Variants in EPS15L1 observed in about 807,000 individuals in gnomAD.
The protein encoded by EPS15L1 is epidermal growth factor receptor substrate 15-like 1.
Under a neutral mutation model 117.1 loss-of-function variants are expected in EPS15L1, and 43 were observed. The observed-to-expected ratio is 0.37, with a 90% CI of 0.29 to 0.47. EPS15L1 has a LOEUF of 0.47. Ranked by LOEUF, EPS15L1 falls within the 20% of genes least tolerant of loss-of-function variation. The pLI, the probability that EPS15L1 is intolerant of heterozygous loss-of-function variation, is 0.99. For missense variants in EPS15L1, 981 were observed against 1,164.0 expected, an observed-to-expected ratio of 0.84 and a Z score of 2.29; for synonymous variants, 459 against 470.5, an observed-to-expected ratio of 0.98 and a Z score of 0.32.
At chr19:16,403,662 G>T in intron 15 of EPS15L1, 71 bp downstream of exon 15, 1 of 1,388,602 alleles carries the variant, frequency 7.2e-7, no homozygotes. Context: ...AAGGAGTTCA[G>T]CAGTGGCAGC....
intron 19 of EPS15L1, among the ~76,000 whole-genome samples, chr19:16,389,014 C>T (rs529721314): frequency 7.7e-4 from 117 of 152,048 alleles, no homozygotes; most frequent in African/African-American, 2.5e-3. Context: ...TTTGGGAGGA[C>T]GAGGCGGGCA....
At chr19:16,441,801 A>G (rs1306471050) in intron 3 of EPS15L1, 91 bp downstream of exon 3, 12 of 989,332 alleles carry the variant, frequency 1.2e-5, no homozygotes, top group Admixed American at 2.4e-5. Context: ...GCCGGGCCCC[A>G]TGGAAGGAGG....
intron 1 of EPS15L1, among the ~76,000 whole-genome samples, chr19:16,445,083 C>T (rs983369224): frequency 1.3e-5 from 2 of 151,838 alleles, no homozygotes; most frequent in Non-Finnish European, 2.9e-5. Context: ...TACTGTGATT[C>T]CAGTGGAAAA....
intron 21 of EPS15L1, 76 bp downstream of exon 21, chr19:16,385,053 C>T (rs554412133): frequency 6.1e-4 from 699 of 1,142,578 alleles, no homozygotes; most frequent in Non-Finnish European, 8.0e-4. Context: ...TGAACAATTA[C>T]GCCTGGCAGC....
intron 1 of EPS15L1, among the ~76,000 whole-genome samples, chr19:16,462,991 A>C (rs1160380232): frequency 6.6e-6 from 1 of 152,064 alleles, no homozygotes; most frequent in African/African-American, 2.4e-5. Context: ...ACTATGTCCT[A>C]ATTTTCTGTG....
intron 12 of EPS15L1, among the ~76,000 whole-genome samples, chr19:16,414,386 A>T (rs918965495): frequency 6.6e-5 from 10 of 151,346 alleles, no homozygotes; most frequent in Admixed American, 6.6e-4. Context: ...ACAGCCCAGG[A>T]CAGCCTGTCT....
At chr19:16,428,474 A>T (rs1403737890) in intron 8 of EPS15L1, among the ~76,000 whole-genome samples, 1 of 98,486 alleles carries the variant, frequency 1.0e-5, no homozygotes, top group Non-Finnish European at 1.9e-5. Flanking sequence ...GAGAGGAGAG[A>T]GGGAGAGAGG....
At chr19:16,403,237 C>T (rs376405108) in intron 15 of EPS15L1, among the ~76,000 whole-genome samples, 6 of 152,154 alleles carry the variant, frequency 3.9e-5, no homozygotes, top group Admixed American at 2.6e-4. Flanking sequence ...AGCGCCCCCC[C>T]CTGGACTGGG....
chr19:16,373,242 AT>A (rs1009297966), intron 22 of EPS15L1, among the ~76,000 whole-genome samples: 22 of 152,060 alleles, frequency 1.4e-4, no homozygotes, highest in African/African-American at 5.3e-4. Flanking sequence ...AGGGGGTCGC[AT>A]TTCACCTTCC....
rs1010537819 is a variant in EPS15L1, at chr19:16,471,373, T to C, written c.33+540A>G. Among the ~76,000 whole-genome samples the C allele has an allele frequency of 6.6e-6, 1 of 152,200 alleles. No individual in the cohort carries two copies. Among genetic ancestry groups the C allele is most frequent in the East Asian group, 1.9e-4 (1 of 5,196 alleles). On this transcript the variant is annotated intron_variant, in intron 1 of 23. Transcript: ENST00000455140. The surrounding 1 kb of genome is among the most constrained non-coding windows in gnomAD (Gnocchi z 4.8). ...CCCTTCATAAGCGCATCAGGCGAAT[T>C]TGAGGACACAGAGAGGCGCCCGGAG...
At chr19:16,420,803 G>A (rs1256664472) in intron 10 of EPS15L1, among the ~76,000 whole-genome samples, 1 of 152,204 alleles carries the variant, frequency 6.6e-6, no homozygotes, top group African/African-American at 2.4e-5. Flanking sequence ...GGGGAAAGAG[G>A]GGTTGAGGCC....
intron 18 of EPS15L1, among the ~76,000 whole-genome samples, chr19:16,393,120 AT>A (rs1340666016): frequency 9.7e-5 from 11 of 113,654 alleles, no homozygotes; most frequent in African/African-American, 3.0e-4. Flanking sequence ...AATAATAATA[AT>A]AATAAACAAC....
chr19:16,434,207 G>C (rs1404702015), intron 7 of EPS15L1, among the ~76,000 whole-genome samples, 158 bp downstream of exon 7: 1 of 152,212 alleles, frequency 6.6e-6, no homozygotes, highest in Non-Finnish European at 1.5e-5. Context: ...CCCTGAGCCA[G>C]CTGGGGCTGG....
At chr19:16,372,754 C>A (rs1057312758) in intron 22 of EPS15L1, among the ~76,000 whole-genome samples, 3 of 152,270 alleles carry the variant, frequency 2.0e-5, no homozygotes, top group African/African-American at 7.2e-5. Context: ...CACCCACACA[C>A]CCACCTGCTA....
chr19:16,398,794 G>T (rs1007884316), intron 16 of EPS15L1, among the ~76,000 whole-genome samples: 10 of 152,032 alleles, frequency 6.6e-5, no homozygotes, highest in Admixed American at 3.3e-4. Flanking sequence ...CTCTCCTTAG[G>T]CGACTGGTGG....
chr19:16,459,412 C>T lies in EPS15L1; in HGVS notation c.33+12501G>A, dbSNP rs144990448. On this transcript the variant is annotated intron_variant, in intron 1 of 23. Transcript: ENST00000455140. ...TAATGCCTGGAGGGTGGAGGGATCA[C>T]GCTGTGCCCTCCTAGAAGCAGGCCT... 5.3e-3 allele frequency among the ~76,000 whole-genome samples: 802 copies of T among 152,256 alleles called. 9 individuals carry two copies. Among genetic ancestry groups the T allele is most frequent in the African/African-American group, 0.019 (770 of 41,534 alleles).
rs1477680075 is a variant in EPS15L1, at chr19:16,427,970, A to G, written c.558+732T>C. Among the ~76,000 whole-genome samples, 34 of 145,278 alleles carry G rather than the reference A, an allele frequency of 2.3e-4. No individual in the cohort carries two copies. The Middle Eastern group carries it at 0.012, about 53-fold the overall frequency. ...TGTAATCCCAGCACTTTGGGAGGCC[A>G]AGGCGGGTGGATCACTAGGCAGGAG... is the stretch of plus-strand genomic sequence containing the variant. On this transcript the variant is annotated intron_variant, in intron 8 of 23. Coordinates refer to ENST00000455140, the MANE Select transcript of EPS15L1 (RefSeq NM_001258374.3).
intron 22 of EPS15L1, among the ~76,000 whole-genome samples, chr19:16,375,897 A>G (rs2092288969): frequency 6.6e-6 from 1 of 152,108 alleles, no homozygotes; most frequent in Non-Finnish European, 1.5e-5. Flanking sequence ...AACTTCCCCT[A>G]TGTTCACCTC....
intron 1 of EPS15L1, among the ~76,000 whole-genome samples, chr19:16,453,161 G>A (rs577045797): frequency 3.2e-4 from 48 of 152,152 alleles, no homozygotes; most frequent in African/African-American, 1.1e-3. Flanking sequence ...GTACAGTGGT[G>A]CCATCATAGC....
Sources: allele counts gnomAD v4.1 joint callset (sites outside exome capture counted in the v4.1 genomes callset), GRCh38; gene constraint gnomAD v4.1.1; non-coding constraint Gnocchi (gnomAD v3.1); transcripts MANE v1.5; gene names NCBI Gene and HGNC (gene_info 2026-07-23, HGNC 2026-07-21).